MAP2: variants seen among roughly 807,000 people sequenced by gnomAD.
MAP2 encodes microtubule associated protein 2, also known as microtubule-associated protein 2.
A neutral mutation model predicts 137.6 loss-of-function variants in MAP2; 14 were observed. That is an observed-to-expected ratio of 0.10 (90% CI 0.07 to 0.16). The LOEUF (loss-of-function observed/expected upper bound fraction) is 0.16, where lower values mean the gene tolerates loss of function less well. Among genes scored for constraint, MAP2 ranks in the 10% least tolerant of loss-of-function variants. The probability of loss-of-function intolerance (pLI) is 1.00; values close to 1 mark genes in which losing one functional copy is unlikely to be tolerated. For synonymous variants in MAP2, 786 were observed against 782.3 expected (o/e 1.00, Z -0.08); for missense variants, 2,088 against 2,191.5 (o/e 0.95, Z 0.94).
intron 1 of MAP2, among the ~76,000 whole-genome samples, chr2:209,493,006 A>G (rs1192698773): frequency 6.6e-6 from 1 of 152,214 alleles, no homozygotes; most frequent in African/African-American, 2.4e-5. Context: ...AGCTGGAGGC[A>G]TCATGCTACC....
chr2:209,652,486 A>G (rs1212528648), intron 4 of MAP2, among the ~76,000 whole-genome samples: 1 of 151,432 alleles, frequency 6.6e-6, no homozygotes, highest in Non-Finnish European at 1.5e-5. Context: ...CTTTTTTTTT[A>G]TTATACTTTA....
At chr2:209,519,851 T>A (rs1347830737) in intron 2 of MAP2, among the ~76,000 whole-genome samples, 2 of 152,058 alleles carry the variant, frequency 1.3e-5, no homozygotes, top group African/African-American at 4.8e-5. Flanking sequence ...AGTAAGATGA[T>A]CACTACTCCT....
At chr2:209,548,968 A>AT (rs2068627454) in intron 2 of MAP2, among the ~76,000 whole-genome samples, 1 of 152,150 alleles carries the variant, frequency 6.6e-6, no homozygotes, top group Non-Finnish European at 1.5e-5. Context: ...ATAGCAGTGT[A>AT]AGAATGAACT....
intron 2 of MAP2, among the ~76,000 whole-genome samples, chr2:209,570,697 G>T (rs2074256383): frequency 6.6e-6 from 1 of 151,846 alleles, no homozygotes; most frequent in Non-Finnish European, 1.5e-5. Context: ...ATGACATTAT[G>T]TGCTTGTGGG....
rs2060350339 is a variant in MAP2 at position 209,697,051 on chromosome 2, G to A, written c.4522G>A (p.Ala1508Thr). The change falls in exon 10 of 16, where the codon GCA (alanine) becomes ACA (threonine). Residue 1508 changes from alanine (A) to threonine (T), a missense_variant and splice_region_variant. Physicochemically the swap from Ala to Thr is moderately conservative, Grantham distance 58 (BLOSUM62 0). Transcript: ENST00000682079. ...CTCCTGTGTTAAGCGGAAAACCACA[G>A]GTGACTGTTCAATTCTGCAATGTGA... ...HLSCVKRKTT[A>T]AGGESALAPS... The A allele has an allele frequency of 1.3e-6, 2 of 1,591,886 alleles. No individual in the cohort carries two copies. Among genetic ancestry groups the A allele is most frequent in the Non-Finnish European group, 1.7e-6 (2 of 1,174,446 alleles).
intron 2 of MAP2, among the ~76,000 whole-genome samples, chr2:209,578,185 A>G (rs2075649732): frequency 6.6e-6 from 1 of 152,152 alleles, no homozygotes. Context: ...CAGCTTTCTC[A>G]CCTATGAAAC....
chr2:209,528,923 CATAT>C (rs200742253), intron 2 of MAP2, among the ~76,000 whole-genome samples: 5 of 135,398 alleles, frequency 3.7e-5, no homozygotes, highest in African/African-American at 1.4e-4. Flanking sequence ...TACACACATA[CATAT>C]ATATACATAC....
At chr2:209,435,502 C>G (rs1333413601) in intron 1 of MAP2, among the ~76,000 whole-genome samples, 4 of 151,670 alleles carry the variant, frequency 2.6e-5, no homozygotes, top group Non-Finnish European at 5.9e-5. Context: ...TAGAGGGTTC[C>G]TTTTGGAGAA....
chr2:209,598,807 A>G (rs1370397793), intron 3 of MAP2, among the ~76,000 whole-genome samples: 1 of 150,112 alleles, frequency 6.7e-6, no homozygotes, highest in Non-Finnish European at 1.5e-5. Context: ...ATAGTATTCC[A>G]TGGTGTATAT....
At chr2:209,493,590 A>G (rs1243634803) in intron 1 of MAP2, among the ~76,000 whole-genome samples, 1 of 152,210 alleles carries the variant, frequency 6.6e-6, no homozygotes, top group Non-Finnish European at 1.5e-5. Context: ...CAAATTCACA[A>G]GAAAAAACAA....
chr2:209,489,957 C>T (rs1391653503), intron 1 of MAP2, among the ~76,000 whole-genome samples: 1 of 151,952 alleles, frequency 6.6e-6, no homozygotes, highest in Non-Finnish European at 1.5e-5. Context: ...CAGAGATACT[C>T]CTTAAGAAGA....
chr2:209,515,031 A>G (rs1186832188), intron 2 of MAP2, among the ~76,000 whole-genome samples: 1 of 152,166 alleles, frequency 6.6e-6, no homozygotes, highest in African/African-American at 2.4e-5. Flanking sequence ...TAAAAATGTT[A>G]GTTGAAAAAT....
intron 2 of MAP2, among the ~76,000 whole-genome samples, chr2:209,578,134 G>C (rs931043874): frequency 1.3e-5 from 2 of 152,170 alleles, no homozygotes; most frequent in Non-Finnish European, 2.9e-5. Flanking sequence ...AAACGCTGCG[G>C]GTGCCTGGGT....
chr2:209,688,994 G>A (rs1233666501), intron 7 of MAP2, among the ~76,000 whole-genome samples: 1 of 152,038 alleles, frequency 6.6e-6, no homozygotes, highest in Admixed American at 6.5e-5. Flanking sequence ...AAATATGTGA[G>A]TTTTTAAATT....
chr2:209,629,925 G>A (rs575677812), intron 4 of MAP2, among the ~76,000 whole-genome samples: 17 of 152,268 alleles, frequency 1.1e-4, no homozygotes, highest in African/African-American at 4.1e-4. Flanking sequence ...CTGGAATTCT[G>A]TAGGCAGAGG....
chr2:209,505,439 AT>A (rs1284671278), intron 1 of MAP2, among the ~76,000 whole-genome samples: 1 of 151,978 alleles, frequency 6.6e-6, no homozygotes, highest in Admixed American at 6.6e-5. Context: ...TATCATTCTT[AT>A]TTCCTTTAAT....
chr2:209,485,115 C>T (rs528302688), intron 1 of MAP2, among the ~76,000 whole-genome samples: 1 of 152,308 alleles, frequency 6.6e-6, no homozygotes, highest in East Asian at 1.9e-4. Flanking sequence ...GCACTAGATT[C>T]ATCAAATGCT....
intron 1 of MAP2, among the ~76,000 whole-genome samples, chr2:209,444,239 TTC>T (rs1698505039): frequency 6.6e-6 from 1 of 151,544 alleles, no homozygotes; most frequent in African/African-American, 2.4e-5. Context: ...CCATCTTTAA[TTC>T]TTTCTCGGGG....
intron 13 of MAP2, among the ~76,000 whole-genome samples, chr2:209,715,826 A>G (rs1057380487): frequency 6.6e-6 from 1 of 152,214 alleles, no homozygotes; most frequent in Non-Finnish European, 1.5e-5. Flanking sequence ...TTGAGTATAG[A>G]AAGTTTATGC....
Sources: gnomAD v4.1 joint callset for allele counts (sites outside exome capture counted in the v4.1 genomes callset) on GRCh38, gnomAD v4.1.1 for gene constraint, MANE v1.5 for transcripts, NCBI Gene and HGNC (gene_info 2026-07-23, HGNC 2026-07-21) for gene names.